BASP1: variants seen among roughly 807,000 people sequenced by gnomAD.
BASP1 encodes brain acid soluble protein 1.
A neutral mutation model predicts 2.2 loss-of-function variants in BASP1; 1 was observed. The observed-to-expected ratio is 0.46, with a 90% CI of 0.16 to 2.17. BASP1 has a LOEUF of 2.17. Ranked by LOEUF, BASP1 falls within the 30% of genes most tolerant of loss-of-function variation. BASP1 has a pLI of 0.27. For missense variants in BASP1, 352 were observed against 327.2 expected (o/e 1.08, Z -0.58); for synonymous variants, 187 against 154.2 (o/e 1.21, Z -1.58).
chr5:17,262,312 C>T (rs1740329754), intron 1 of BASP1, among the ~76,000 whole-genome samples: 1 of 152,216 alleles, frequency 6.6e-6, no homozygotes, highest in African/African-American at 2.4e-5. Flanking sequence ...CCATCCTCAT[C>T]TGTAGAAAGC....
intron 1 of BASP1, among the ~76,000 whole-genome samples, chr5:17,273,233 T>G (rs1461145773): frequency 1.3e-5 from 2 of 152,232 alleles, no homozygotes; most frequent in Non-Finnish European, 2.9e-5. Flanking sequence ...GTTTATTTCT[T>G]TATATTTTCA....
intron 1 of BASP1, among the ~76,000 whole-genome samples, chr5:17,224,374 T>A (rs1739450749): frequency 1.5e-5 from 2 of 133,330 alleles, no homozygotes; most frequent in South Asian, 4.6e-4. Flanking sequence ...TTCCTAGGAT[T>A]TCAATCCGTG....
chr5:17,275,963 CT>C lies in BASP1; in HGVS notation c.*64del. ...CAATCTCCTCTCTCTCTCTCTCTCT[CT>C]CTCTCTATCTCTCTCTCTATCTCCT... On this transcript the variant is annotated 3_prime_UTR_variant, in exon 2 of 2. Coordinates refer to ENST00000322611, the MANE Select transcript of BASP1 (RefSeq NM_006317.5). This position sits in a 1 kb window ranked among gnomAD's most constrained non-coding sequence, Gnocchi z 5.3. 1 of 1,336,704 alleles carries C rather than the reference CT, an allele frequency of 7.5e-7. No homozygotes were observed. Among genetic ancestry groups the C allele is most frequent in the Non-Finnish European group, 1.0e-6 (1 of 1,000,184 alleles). The allele number at this position is 1,336,704 out of a possible 1,614,324, so 82.8% of individuals were successfully genotyped here. A position where few individuals can be genotyped will look rare whatever the true frequency, so the allele number is the denominator to read the frequency against.
intron 1 of BASP1, among the ~76,000 whole-genome samples, chr5:17,270,425 A>T (rs1001963726): frequency 3.3e-5 from 5 of 152,236 alleles, no homozygotes; most frequent in Admixed American, 2.6e-4. Flanking sequence ...TAATATATTT[A>T]AAAAGACTGA....
At chr5:17,249,049 C>A (rs1404355834) in intron 1 of BASP1, among the ~76,000 whole-genome samples, 27 of 152,164 alleles carry the variant, frequency 1.8e-4, no homozygotes, top group Admixed American at 1.8e-3. Flanking sequence ...TGTAGACAAA[C>A]ACTTATTAAA....
At chr5:17,243,869 A>T (rs1297859041) in intron 1 of BASP1, among the ~76,000 whole-genome samples, 1 of 152,136 alleles carries the variant, frequency 6.6e-6, no homozygotes, top group East Asian at 1.9e-4. Flanking sequence ...AAAACAAAAC[A>T]CTGCTGTGTC....
intron 1 of BASP1, among the ~76,000 whole-genome samples, chr5:17,262,371 G>A (rs1233291393): frequency 6.6e-6 from 1 of 152,124 alleles, no homozygotes; most frequent in East Asian, 1.9e-4. Context: ...AAACCTTAAC[G>A]TTAACCTGGT....
At chr5:17,247,444 G>A (rs1740017548) in intron 1 of BASP1, among the ~76,000 whole-genome samples, 1 of 152,160 alleles carries the variant, frequency 6.6e-6, no homozygotes, top group South Asian at 2.1e-4. Context: ...CTGGTTTAGA[G>A]GATGGGAAAC....
Position 17,238,455 on chromosome 5 carries a change from T to C in BASP1, c.-10+20645T>C, listed in dbSNP as rs114789714. ...CCTGTAGTTAAGTGTTAATGGAGAC[T>C]AACGTCAAGCTTCAGAACAGTGAGG... is the stretch of plus-strand genomic sequence containing the variant. On this transcript the variant is annotated intron_variant, in intron 1 of 1. Coordinates refer to ENST00000322611, the MANE Select transcript of BASP1 (RefSeq NM_006317.5). Among the ~76,000 whole-genome samples the C allele has an allele frequency of 3.1e-3, 474 of 152,326 alleles. 4 individuals are homozygous for C. The highest frequency in any genetic ancestry group is 0.011 in the African/African-American group (453 of 41,570).
At chr5:17,271,473 T>C (rs1740527136) in intron 1 of BASP1, among the ~76,000 whole-genome samples, 1 of 152,060 alleles carries the variant, frequency 6.6e-6, no homozygotes, top group Non-Finnish European at 1.5e-5. Flanking sequence ...ATAACAGAGG[T>C]CAGTTTTAGT....
chr5:17,217,095 A>AGAGAGAGAGAGAGAGAGT (rs1554025522), upstream of BASP1: 2 of 131,142 alleles, frequency 1.5e-5, no homozygotes, highest in Non-Finnish European at 3.2e-5. Context: ...AGAGAGAGAG[A>AGAGAGAGAGAGAGAGAGT]GTGAGTGAGA....
intron 1 of BASP1, among the ~76,000 whole-genome samples, chr5:17,267,115 T>C (rs141459018): frequency 8.5e-5 from 13 of 152,362 alleles, no homozygotes; most frequent in African/African-American, 3.1e-4. Flanking sequence ...TTAAAGTATC[T>C]GTAGGCTGAT....
intron 1 of BASP1, among the ~76,000 whole-genome samples, chr5:17,272,335 C>T (rs185659824): frequency 1.3e-5 from 2 of 152,224 alleles, no homozygotes; most frequent in African/African-American, 4.8e-5. Flanking sequence ...CAGTGGAGTT[C>T]CTTCTATCCC....
chr5:17,262,140 A>AGAGAT (rs10686319), intron 1 of BASP1, among the ~76,000 whole-genome samples: 11,118 of 152,110 alleles, frequency 0.073, 1,258 homozygotes, highest in African/African-American at 0.25. Context: ...TCATCTAAGT[A>AGAGAT]ATTTTCCCTA....
At chr5:17,254,261 C>A (rs1208530837) in intron 1 of BASP1, among the ~76,000 whole-genome samples, 2 of 152,140 alleles carry the variant, frequency 1.3e-5, no homozygotes, top group African/African-American at 4.8e-5. Flanking sequence ...AAACAAATAT[C>A]TGCTAACATA....
rs1234811509 is a variant in BASP1, at chr5:17,275,969, CTATCT to C, written c.*70_*74del. The C allele has an allele frequency of 2.0e-6, 2 of 987,418 alleles. No individual in the cohort carries two copies. The highest frequency in any genetic ancestry group is 3.5e-5 in the African/African-American group (2 of 57,750). The allele number at this position is 987,418 out of a possible 1,614,324, so 61.2% of individuals were successfully genotyped here. A position where few individuals can be genotyped will look rare whatever the true frequency, so the allele number is the denominator to read the frequency against. On this transcript the variant is annotated 3_prime_UTR_variant, in exon 2 of 2. Transcript: ENST00000322611. The surrounding 1 kb of genome is among the most constrained non-coding windows in gnomAD (Gnocchi z 5.3). ...CCTCTCTCTCTCTCTCTCTCTCTCT[CTATCT>C]CTCTCTCTATCTCCTCTCTCTCTCT...
At chr5:17,228,170 GT>G (rs1433360962) in intron 1 of BASP1, among the ~76,000 whole-genome samples, 1 of 152,224 alleles carries the variant, frequency 6.6e-6, no homozygotes, top group Non-Finnish European at 1.5e-5. Flanking sequence ...CAGGACATAA[GT>G]GGCTTATTCC....
intron 1 of BASP1, among the ~76,000 whole-genome samples, chr5:17,258,283 G>A (rs1262987004): frequency 6.6e-6 from 1 of 152,208 alleles, no homozygotes; most frequent in South Asian, 2.1e-4. Context: ...GTAACCAGCA[G>A]TAATCACATT....
Position 17,266,295 on chromosome 5 carries a change from G to A in BASP1, c.-9-8913G>A, listed in dbSNP as rs1230170456. Among the ~76,000 whole-genome samples the A allele has an allele frequency of 2.6e-5, 4 of 152,150 alleles. No individual in the cohort carries two copies. The South Asian group carries it at 6.2e-4, about 24-fold the overall frequency. On this transcript the variant is annotated intron_variant, in intron 1 of 1. Coordinates refer to ENST00000322611, the MANE Select transcript of BASP1 (RefSeq NM_006317.5). ...GGAGGAGTAGATTTTCAGAAAAAGC[G>A]GTTTTAAGGATGATGAAAAGAGAAT...
Sources: allele counts gnomAD v4.1 joint callset (sites outside exome capture counted in the v4.1 genomes callset), GRCh38; gene constraint gnomAD v4.1.1; non-coding constraint Gnocchi (gnomAD v3.1); transcripts MANE v1.5; gene names NCBI Gene and HGNC (gene_info 2026-07-23, HGNC 2026-07-21).